FAM222B: variants seen among roughly 807,000 people sequenced by gnomAD.
The protein encoded by FAM222B is family with sequence similarity 222 member B, also known as protein FAM222B.
A neutral mutation model predicts 38.0 loss-of-function variants in FAM222B; 12 were observed. That is an observed-to-expected ratio of 0.32 (90% CI 0.20 to 0.51). The LOEUF (loss-of-function observed/expected upper bound fraction) is 0.51. Ranked by LOEUF, FAM222B falls within the 20% of genes least tolerant of loss-of-function variation. The probability of loss-of-function intolerance (pLI) is 0.97; values close to 1 mark genes in which losing one functional copy is unlikely to be tolerated. For missense variants in FAM222B, 716 were observed against 754.2 expected, an observed-to-expected ratio of 0.95 and a Z score of 0.59; for synonymous variants, 329 against 317.2, an observed-to-expected ratio of 1.04 and a Z score of -0.40.
intron 1 of FAM222B, among the ~76,000 whole-genome samples, chr17:28,826,398 T>C (rs922302053): frequency 6.6e-6 from 1 of 151,972 alleles, no homozygotes; most frequent in Non-Finnish European, 1.5e-5. Context: ...AAGCTGTCTG[T>C]TGCTGGACAG....
At chr17:28,854,997 G>GCGCTC (rs2039218075) in exon 1 of FAM222B, 2 of 1,526,704 alleles carry the variant, frequency 1.3e-6, no homozygotes, top group Non-Finnish European at 1.8e-6. Flanking sequence ...AATCGTAGGA[G>GCGCTC]CGCTCCTGGT....
chr17:28,817,810 G>A (rs1362656264), intron 1 of FAM222B, among the ~76,000 whole-genome samples: 1 of 152,094 alleles, frequency 6.6e-6, no homozygotes, highest in Non-Finnish European at 1.5e-5. Context: ...TATGGGACAG[G>A]ACAGAAGGAG....
chr17:28,762,412 G>T (rs2035119738), intron 2 of FAM222B, among the ~76,000 whole-genome samples: 2 of 151,822 alleles, frequency 1.3e-5, no homozygotes, highest in South Asian at 4.2e-4. Context: ...TGGATCATGA[G>T]GTCAGGAGTT....
chr17:28,815,587 G>A (rs1459678981), intron 1 of FAM222B, among the ~76,000 whole-genome samples: 1 of 152,166 alleles, frequency 6.6e-6, no homozygotes, highest in Non-Finnish European at 1.5e-5. Context: ...AGCACTTCGG[G>A]AGGTCAGGGT....
Position 28,758,060 on chromosome 17 carries a change from G to T in FAM222B, c.*210C>A. ...GTGGAGAGAAAAGCCTGGGCTTAGG[G>T]TTAGGTTCTAACATAAAACCAAAAG... On this transcript the variant is annotated 3_prime_UTR_variant, in exon 3 of 3. Transcript: ENST00000581407. 1 of 495,556 alleles carries T rather than the reference G, an allele frequency of 2.0e-6. No homozygotes were observed. The highest frequency in any genetic ancestry group is 3.8e-5 in the Admixed American group (1 of 26,338). The allele number at this position is 495,556 out of a possible 1,614,324, so 30.7% of individuals were successfully genotyped here.
intron 2 of FAM222B, chr17:28,762,101 C>T (rs2035105272): frequency 6.6e-6 from 1 of 151,962 alleles, no homozygotes; most frequent in African/African-American, 2.4e-5. Context: ...GACACTTATC[C>T]ACATTGATTA....
At chr17:28,783,794 A>C (rs1175948933) in intron 1 of FAM222B, among the ~76,000 whole-genome samples, 1 of 150,524 alleles carries the variant, frequency 6.6e-6, no homozygotes, top group Non-Finnish European at 1.5e-5. Flanking sequence ...TATAGGTATG[A>C]GCCACTGCGC....
intron 1 of FAM222B, among the ~76,000 whole-genome samples, chr17:28,787,888 G>C (rs903331963): frequency 3.5e-5 from 5 of 141,034 alleles, no homozygotes; most frequent in African/African-American, 1.1e-4. Context: ...GCAATGGCAC[G>C]ATCTTGGCTC....
chr17:28,798,119 G>A (rs1296013093), intron 1 of FAM222B, among the ~76,000 whole-genome samples: 4 of 152,032 alleles, frequency 2.6e-5, no homozygotes, highest in African/African-American at 4.8e-5. Context: ...GGTCAGGCGC[G>A]GTGGTTCACA....
At chr17:28,770,239 C>T (rs1334174692) in intron 1 of FAM222B, among the ~76,000 whole-genome samples, 2 of 152,182 alleles carry the variant, frequency 1.3e-5, no homozygotes, top group Non-Finnish European at 2.9e-5. Context: ...CTAACACTTA[C>T]GAGGCTCTCC....
At position 28,818,483 on chromosome 17, in the gene FAM222B, GCGCCACTGCACTCCAGCCTGT is replaced by G. The variant is rs1272361201; in HGVS notation, c.-41+24178_-41+24198del. 2.9e-4 allele frequency among the ~76,000 whole-genome samples: 44 copies of G among 150,980 alleles called. 1 individual carries two copies. The highest frequency in any genetic ancestry group is 2.9e-3 in the Admixed American group (44 of 15,136). ...GCGGAGCTTGCAGTCAGCCGAGATC[GCGCCACTGCACTCCAGCCTGT>G]CTCCAGGGCGACAGAGCGAGAGTCC... On this transcript the variant is annotated intron_variant, in intron 1 of 2. Transcript: ENST00000581407.
chr17:28,784,491 T>TAAAAAAAAAAAAA lies in FAM222B; in HGVS notation c.-40-17797_-40-17785dup, dbSNP rs559624246. Reference sequence around the variant, plus strand: ...AACAACAGAGTAAGATCCCCTCTCTTAAAAAAAAAAAAAAAAAAAAAAAAA... The same window carrying TAAAAAAAAAAAAA: ...AACAACAGAGTAAGATCCCCTCTCTTAAAAAAAAAAAAAAAAAAAAAAAAAAAAAAAAAAAAAA... On this transcript the variant is annotated intron_variant, in intron 1 of 2. Transcript: ENST00000581407. Among the ~76,000 whole-genome samples, 16 of 36,048 alleles carry TAAAAAAAAAAAAA rather than the reference T, an allele frequency of 4.4e-4. 1 individual carries two copies. The highest frequency in any genetic ancestry group is 1.2e-3 in the Admixed American group (3 of 2,442). 23.6% of individuals were successfully genotyped at this position (36,048 alleles called of 152,430 possible). A position where few individuals can be genotyped will look rare whatever the true frequency, so the allele number is the denominator to read the frequency against.
At chr17:28,839,155 C>T (rs1407821577) in intron 1 of FAM222B, among the ~76,000 whole-genome samples, 1 of 151,748 alleles carries the variant, frequency 6.6e-6, no homozygotes, top group African/African-American at 2.4e-5. Flanking sequence ...TGCAGTGAGC[C>T]GAGATCGCGC....
At chr17:28,812,888 A>AGC (rs2037851814) in intron 1 of FAM222B, among the ~76,000 whole-genome samples, 1 of 151,404 alleles carries the variant, frequency 6.6e-6, no homozygotes, top group Non-Finnish European at 1.5e-5. Flanking sequence ...ATGCTCCCCA[A>AGC]GCCTCTCTGC....
At chr17:28,834,274 A>G (rs2038765041) in intron 1 of FAM222B, 1 of 152,174 alleles carries the variant, frequency 6.6e-6, no homozygotes, top group South Asian at 2.1e-4. Flanking sequence ...TTAAATAGTG[A>G]TCTAAACATG....
intron 1 of FAM222B, among the ~76,000 whole-genome samples, chr17:28,838,944 C>A (rs1005227717): frequency 6.6e-6 from 1 of 151,988 alleles, no homozygotes. Flanking sequence ...GTGGCTCATG[C>A]CTGTAATCCC....
rs2038792448 is a variant in FAM222B at position 28,835,024 on chromosome 17, T to TGTG, written c.-41+7657_-41+7658insCAC. Among the ~76,000 whole-genome samples, 377 of 132,114 alleles carry TGTG rather than the reference T, an allele frequency of 2.9e-3. 2 individuals carry two copies. Among genetic ancestry groups the TGTG allele is most frequent in the Middle Eastern group, 3.6e-3 (1 of 278 alleles). 86.7% of individuals were successfully genotyped at this position (132,114 alleles called of 152,430 possible). ...CGCCCACCACTACACTCAGCTAATT[T>TGTG]TGTGTGTGTGTGTGTGTGTGTGTGT... On this transcript the variant is annotated intron_variant, in intron 1 of 2. Coordinates refer to ENST00000581407, the MANE Select transcript of FAM222B (RefSeq NM_001077498.3).
chr17:28,801,378 C>G, intron 1 of FAM222B, among the ~76,000 whole-genome samples: 1 of 141,974 alleles, frequency 7.0e-6, no homozygotes, highest in East Asian at 2.2e-4. Flanking sequence ...GTGTGAACCC[C>G]GGGGGGCGGA....
intron 1 of FAM222B, among the ~76,000 whole-genome samples, chr17:28,770,889 T>C (rs2035596300): frequency 6.6e-6 from 1 of 152,026 alleles, no homozygotes; most frequent in South Asian, 2.1e-4. Context: ...CCATTTTGAA[T>C]AGTACATTCA....
Sources: allele counts gnomAD v4.1 joint callset (sites outside exome capture counted in the v4.1 genomes callset), GRCh38; gene constraint gnomAD v4.1.1; transcripts MANE v1.5; gene names NCBI Gene and HGNC (gene_info 2026-07-23, HGNC 2026-07-21).